The following HFM1 variants were observed in gnomAD, a reference collection of about 807,000 sequenced individuals.
HFM1 encodes the protein helicase for meiosis 1, also known as probable ATP-dependent DNA helicase HFM1.
Under a neutral mutation model 192.1 loss-of-function variants are expected in HFM1, and 169 were observed. The ratio of observed to expected loss-of-function variants is 0.88; its 90% CI spans 0.78 to 1.00. The LOEUF (loss-of-function observed/expected upper bound fraction) is 1.00. Ranked by LOEUF, HFM1 falls within the 50% of genes least tolerant of loss-of-function variation. The pLI is 0.00. For synonymous variants in HFM1, 525 were observed against 537.8 expected (o/e 0.98, Z 0.33); for missense variants, 1,661 against 1,668.0 (o/e 1.00, Z 0.07).
At chr1:91,379,298 A>T in intron 8 of HFM1, 84 bp from the exon 9 acceptor site, 5 of 1,037,730 alleles carry the variant, frequency 4.8e-6, no homozygotes, top group Non-Finnish European at 7.2e-6. Flanking sequence ...AAGTTAGCAT[A>T]AAAAATACAC....
intron 30 of HFM1, among the ~76,000 whole-genome samples, chr1:91,289,273 G>A (rs1408019680): frequency 6.6e-6 from 1 of 151,508 alleles, no homozygotes; most frequent in Non-Finnish European, 1.5e-5. Context: ...GGGGCGGCGG[G>A]GCAGAGGCGC....
At chr1:91,305,900 A>G (rs570928963) in intron 30 of HFM1, among the ~76,000 whole-genome samples, 1 of 152,126 alleles carries the variant, frequency 6.6e-6, no homozygotes, top group Non-Finnish European at 1.5e-5. Flanking sequence ...TTATTATATT[A>G]CTAAGACTTC....
In HFM1 at chr1:91,323,083, AT is replaced by A. The variant is rs781666733; in HGVS notation, c.2534+9del. The A allele has an allele frequency of 2.7e-5, 39 of 1,451,396 alleles. No individual in the cohort carries two copies. Among genetic ancestry groups the A allele is most frequent in the Non-Finnish European group, 9.4e-7 (1 of 1,059,384 alleles). 89.9% of individuals were successfully genotyped at this position (1,451,396 alleles called of 1,614,324 possible). ...CTTAAAATTATTTAAAACATATGTA[AT>A]TTCTGTACCTGATAGTTATCCGATT... On this transcript the variant is annotated intron_variant, in intron 22 of 38. Transcript: ENST00000370425.
chr1:91,316,458 G>A lies in HFM1; in HGVS notation c.2831C>T (p.Ala944Val). ...GGAAGTCAAACCAGCATTTACGATT[G>A]CATTTGACAATGTTATACCTGTGGA... ...LEKIGITLSN[A>V]IVNAGLTSFK... Residue 944 changes from alanine (A) to valine (V), a missense_variant, in exon 26 of 39, where the codon GCA (alanine) becomes GTA (valine). Physicochemically the swap from Ala to Val is moderately conservative, Grantham distance 64 (BLOSUM62 0). Transcript: ENST00000370425. 6.4e-7 allele frequency: 1 copy of A among 1,559,262 alleles called. No individual in the cohort carries two copies. The highest frequency in any genetic ancestry group is 1.2e-5 in the South Asian group (1 of 83,852).
Position 91,353,122 on chromosome 1 carries a change from T to G in HFM1, c.1760A>C (p.His587Pro). 6 of 1,611,086 alleles carry G rather than the reference T, an allele frequency of 3.7e-6. No homozygotes were observed. Among genetic ancestry groups the G allele is most frequent in the South Asian group, 1.1e-5 (1 of 90,882 alleles). ...DILKDGAAYH[H>P]AGMELSDRKV... Reference sequence around the variant, plus strand: ...TCTATCTGACAGCTCCATACCAGCATGATGATAAGCAGCACCATCTTTTAA... The same window carrying G: ...TCTATCTGACAGCTCCATACCAGCAGGATGATAAGCAGCACCATCTTTTAA... Residue 587 changes from histidine to proline, a missense_variant, in exon 15 of 39, where the codon CAT (histidine) becomes CCT (proline). Transcript: ENST00000370425.
chr1:91,354,506 C>G (rs192030038), intron 13 of HFM1, among the ~76,000 whole-genome samples: 3 of 151,984 alleles, frequency 2.0e-5, no homozygotes, highest in African/African-American at 7.2e-5. Context: ...TCACCAAACA[C>G]GTTCAAACCC....
intron 30 of HFM1, among the ~76,000 whole-genome samples, chr1:91,285,562 G>A (rs1667885161): frequency 1.3e-5 from 2 of 152,060 alleles, no homozygotes; most frequent in Non-Finnish European, 2.9e-5. Flanking sequence ...GTGTATGTAT[G>A]TTAGGTTTAG....
intron 34 of HFM1, among the ~76,000 whole-genome samples, chr1:91,271,289 C>A (rs972388206): frequency 1.3e-5 from 2 of 152,042 alleles, no homozygotes; most frequent in Non-Finnish European, 2.9e-5. Flanking sequence ...GTGAGAAACC[C>A]TATTAAAAAG....
At chr1:91,371,560 T>C in intron 13 of HFM1, among the ~76,000 whole-genome samples, 1 of 118,718 alleles carries the variant, frequency 8.4e-6, no homozygotes, top group Non-Finnish European at 1.7e-5. Flanking sequence ...TGAAACTGGA[T>C]CCCTTCCTTA....
At chr1:91,299,648 C>G (rs1024805470) in intron 30 of HFM1, among the ~76,000 whole-genome samples, 2 of 152,212 alleles carry the variant, frequency 1.3e-5, no homozygotes, top group Non-Finnish European at 2.9e-5. Flanking sequence ...AACCGCTCAA[C>G]TACATGGAAA....
intron 13 of HFM1, among the ~76,000 whole-genome samples, chr1:91,356,487 A>G (rs539570329): frequency 1.4e-4 from 21 of 152,194 alleles, no homozygotes; most frequent in African/African-American, 5.1e-4. Flanking sequence ...ATTTTATGCA[A>G]TAAGTGCCTA....
At chr1:91,283,148 C>T (rs1667617302) in intron 30 of HFM1, among the ~76,000 whole-genome samples, 2 of 152,126 alleles carry the variant, frequency 1.3e-5, no homozygotes, top group South Asian at 4.1e-4. Context: ...TGCCGCCCTC[C>T]CTACCTCCTG....
At chr1:91,404,237 G>A (rs1664617447) in intron 1 of HFM1, among the ~76,000 whole-genome samples, 1 of 152,200 alleles carries the variant, frequency 6.6e-6, no homozygotes, top group Non-Finnish European at 1.5e-5. Context: ...GCTGGGGACC[G>A]AATCAGCACC....
upstream of HFM1, among the ~76,000 whole-genome samples, chr1:91,405,350 T>C (rs1421317153): frequency 3.3e-5 from 5 of 152,244 alleles, no homozygotes; most frequent in African/African-American, 1.2e-4. Context: ...TCTTAGGCTG[T>C]AAACATGAAC....
At chr1:91,353,358 AAC>A in intron 13 of HFM1, 59 bp from the exon 14 acceptor site, 1 of 981,002 alleles carries the variant, frequency 1.0e-6, no homozygotes, top group South Asian at 1.6e-5. Context: ...AGAACTCTGA[AAC>A]AGTTTATTAT....
At chr1:91,342,151 A>AAAAAAAAAAAAC (rs58288889) in intron 20 of HFM1, among the ~76,000 whole-genome samples, 10 of 111,800 alleles carry the variant, frequency 8.9e-5, no homozygotes, top group East Asian at 2.7e-4. Context: ...AAAAAAAAAA[A>AAAAAAAAAAAAC]TTCAGGCGAA....
chr1:91,391,105 C>T (rs547742598), intron 4 of HFM1, among the ~76,000 whole-genome samples: 3,540 of 152,160 alleles, frequency 0.023, 62 homozygotes, highest in Non-Finnish European at 0.037. Flanking sequence ...TAAAAGAGGA[C>T]ACAAACAAAT....
intron 30 of HFM1, among the ~76,000 whole-genome samples, chr1:91,293,372 TC>T (rs1358865628): frequency 6.6e-6 from 1 of 151,712 alleles, no homozygotes; most frequent in Non-Finnish European, 1.5e-5. Context: ...AACAACCCCA[TC>T]AAAAAGTGGG....
At chr1:91,300,111 G>A (rs9700732) in intron 30 of HFM1, among the ~76,000 whole-genome samples, 28,131 of 151,638 alleles carry the variant, frequency 0.19, 2,559 homozygotes, top group Middle Eastern at 0.2. Context: ...TATCACCACC[G>A]ATCCCACAGA....
Sources: allele counts gnomAD v4.1 joint callset (sites outside exome capture counted in the v4.1 genomes callset), GRCh38; gene constraint gnomAD v4.1.1; transcripts MANE v1.5; gene names NCBI Gene and HGNC (gene_info 2026-07-23, HGNC 2026-07-21).